Variants in PXDNL observed in about 807,000 individuals in gnomAD.
The protein encoded by PXDNL is probable oxidoreductase PXDNL.
In PXDNL, 145 loss-of-function variants were observed where a neutral mutation model predicts 150.8. That is an observed-to-expected ratio of 0.96 (90% CI 0.84 to 1.10). PXDNL has a LOEUF of 1.10. Among genes scored for constraint, PXDNL ranks in the 50% least tolerant of loss-of-function variants. The pLI, the probability that PXDNL is intolerant of heterozygous loss-of-function variation, is 0.00. For synonymous variants in PXDNL, 757 were observed against 725.7 expected (o/e 1.04, Z -0.69); for missense variants, 2,087 against 1,873.9 (o/e 1.11, Z -2.10).
intron 17 of PXDNL, among the ~76,000 whole-genome samples, chr8:51,404,845 C>T (rs1039896470): frequency 4.6e-5 from 7 of 152,200 alleles, no homozygotes; most frequent in Admixed American, 6.5e-5. Flanking sequence ...CTTGGGCGGT[C>T]GATGGGACTG....
At chr8:51,390,741 T>G (rs927103317) in intron 17 of PXDNL, among the ~76,000 whole-genome samples, 2 of 152,058 alleles carry the variant, frequency 1.3e-5, no homozygotes, top group African/African-American at 4.8e-5. Context: ...ATTTTCTTTT[T>G]TTTTTATTTT....
In PXDNL at chr8:51,577,967, GAA is replaced by G. The variant is rs1351591900; in HGVS notation, c.308+14658_308+14659del. ...AGAAAGAAAGAAAGAAAGAAAGAAAGAAAGAAAGAAAGAAAGAAAGAAAGAAA... is the reference window on the plus strand; with the variant it reads ...AGAAAGAAAGAAAGAAAGAAAGAAAGAGAAAGAAAGAAAGAAAGAAAGAAA... On this transcript the variant is annotated intron_variant, in intron 3 of 22. Transcript: ENST00000356297. Among the ~76,000 whole-genome samples the G allele has an allele frequency of 1.9e-3, 171 of 90,540 alleles. 3 individuals are homozygous for G. Among genetic ancestry groups the G allele is most frequent in the Non-Finnish European group, 2.1e-3 (94 of 45,252 alleles). The allele number at this position is 90,540 out of a possible 152,430, so 59.4% of individuals were successfully genotyped here. A position where few individuals can be genotyped will look rare whatever the true frequency, so the allele number is the denominator to read the frequency against.
At chr8:51,562,988 C>T (rs1050065764) in intron 3 of PXDNL, among the ~76,000 whole-genome samples, 1 of 151,876 alleles carries the variant, frequency 6.6e-6, no homozygotes. Flanking sequence ...GCTCTTGCAA[C>T]CCTGTGACAA....
chr8:51,731,409 A>T (rs1231748603), intron 1 of PXDNL, among the ~76,000 whole-genome samples: 1 of 152,234 alleles, frequency 6.6e-6, no homozygotes, highest in Non-Finnish European at 1.5e-5. Flanking sequence ...GGTCTTAGGC[A>T]GCTCCACCCC....
intron 17 of PXDNL, among the ~76,000 whole-genome samples, chr8:51,384,884 C>T (rs968212717): frequency 6.6e-6 from 1 of 151,874 alleles, no homozygotes; most frequent in African/African-American, 2.4e-5. Context: ...AAATAATCAT[C>T]TATACTTTGT....
intron 3 of PXDNL, among the ~76,000 whole-genome samples, chr8:51,571,883 A>C (rs891145741): frequency 2.0e-4 from 31 of 151,884 alleles, no homozygotes; most frequent in African/African-American, 7.2e-4. Context: ...ACTATCAGTA[A>C]GGTGTTTGGC....
intron 12 of PXDNL, among the ~76,000 whole-genome samples, chr8:51,441,074 T>C (rs892795230): frequency 2.6e-5 from 4 of 152,172 alleles, no homozygotes; most frequent in Admixed American, 2.0e-4. Context: ...TGGGTGGAGA[T>C]AATTGAATCA....
intron 5 of PXDNL, among the ~76,000 whole-genome samples, chr8:51,494,348 G>A (rs1007235326): frequency 4.1e-4 from 63 of 151,902 alleles, no homozygotes; most frequent in African/African-American, 1.0e-3. Flanking sequence ...AAAGACCATC[G>A]AGACTAGGAA....
chr8:51,543,330 G>A lies in PXDNL; in HGVS notation c.380+13510C>T, dbSNP rs540854222. ...TTAATACATGATGCAATATGTAGCA[G>A]TTTTATACAGGTGTAGAAGCTTCCT... On this transcript the variant is annotated intron_variant, in intron 4 of 22. Coordinates refer to ENST00000356297, the MANE Select transcript of PXDNL (RefSeq NM_144651.5). Among the ~76,000 whole-genome samples, 8 of 152,230 alleles carry A rather than the reference G, an allele frequency of 5.3e-5. No individual in the cohort carries two copies. The East Asian group carries it at 1.5e-3, about 29-fold the overall frequency.
chr8:51,794,286 C>A (rs2037540464), intron 1 of PXDNL, among the ~76,000 whole-genome samples: 1 of 152,070 alleles, frequency 6.6e-6, no homozygotes, highest in African/African-American at 2.4e-5. Context: ...CAAGACAGGC[C>A]AACATTCAAA....
At chr8:51,411,518 A>G in intron 15 of PXDNL, 111 bp from the exon 16 acceptor site, 1 of 968,052 alleles carries the variant, frequency 1.0e-6, no homozygotes, top group Non-Finnish European at 1.4e-6. Context: ...AGAAGAATGA[A>G]AGCTCCACCA....
intron 2 of PXDNL, among the ~76,000 whole-genome samples, chr8:51,603,817 T>G (rs1813779729): frequency 6.6e-6 from 1 of 152,142 alleles, no homozygotes. Context: ...CTAGTCAGGT[T>G]GGAAGAGAAA....
chr8:51,735,577 C>T (rs1346977450), intron 1 of PXDNL, among the ~76,000 whole-genome samples: 6 of 111,434 alleles, frequency 5.4e-5, no homozygotes, highest in African/African-American at 1.5e-4. Context: ...GACGGAGTCT[C>T]GCTCTGTCGC....
At chr8:51,577,949 AAG>A (rs1236954287) in intron 3 of PXDNL, among the ~76,000 whole-genome samples, 2 of 95,992 alleles carry the variant, frequency 2.1e-5, no homozygotes, top group Non-Finnish European at 4.3e-5. Context: ...GAAAGAAAGA[AAG>A]AAAGAAAGAA....
chr8:51,775,157 C>T (rs978401166), intron 1 of PXDNL, among the ~76,000 whole-genome samples: 1 of 152,068 alleles, frequency 6.6e-6, no homozygotes, highest in Non-Finnish European at 1.5e-5. Context: ...TACTATCTAT[C>T]CACCCACAAA....
At chr8:51,601,547 C>CT (rs1464237078) in intron 2 of PXDNL, among the ~76,000 whole-genome samples, 2 of 151,654 alleles carry the variant, frequency 1.3e-5, no homozygotes, top group African/African-American at 2.4e-5. Flanking sequence ...GCAACTCCTG[C>CT]TTTTTTTTCC....
chr8:51,471,799 GC>G (rs1440053060), intron 8 of PXDNL, among the ~76,000 whole-genome samples: 3 of 151,292 alleles, frequency 2.0e-5, no homozygotes, highest in African/African-American at 7.3e-5. Flanking sequence ...CCATTCTCCT[GC>G]CTCAGCCTCC....
At chr8:51,472,376 GAT>G (rs1158283755) in intron 7 of PXDNL, 72 bp from the exon 8 acceptor site, 1 of 1,094,666 alleles carries the variant, frequency 9.1e-7, no homozygotes, top group Non-Finnish European at 1.4e-6. Context: ...CTGAGAAAGA[GAT>G]ATAGGCAATT....
chr8:51,456,075 C>T (rs757260731), intron 9 of PXDNL, among the ~76,000 whole-genome samples: 3 of 152,274 alleles, frequency 2.0e-5, no homozygotes, highest in South Asian at 2.1e-4. Flanking sequence ...TGGCAATTGC[C>T]GCTGCTGACT....
Sources: allele counts gnomAD v4.1 joint callset (sites outside exome capture counted in the v4.1 genomes callset), GRCh38; gene constraint gnomAD v4.1.1; transcripts MANE v1.5; gene names NCBI Gene and HGNC (gene_info 2026-07-23, HGNC 2026-07-21).